PTP4A2: variants seen among roughly 807,000 people sequenced by gnomAD.
PTP4A2 encodes the protein protein tyrosine phosphatase 4A2.
In PTP4A2, 2 loss-of-function variants were observed where a neutral mutation model predicts 22.9. The observed-to-expected ratio is 0.09, with a 90% CI of 0.04 to 0.27. The LOEUF (loss-of-function observed/expected upper bound fraction) is 0.27. Among genes scored for constraint, PTP4A2 ranks in the 10% least tolerant of loss-of-function variants. The pLI, the probability that PTP4A2 is intolerant of heterozygous loss-of-function variation, is 1.00. For missense variants in PTP4A2, 103 were observed against 205.1 expected, an observed-to-expected ratio of 0.50 and a Z score of 3.04; for synonymous variants, 68 against 69.1, an observed-to-expected ratio of 0.98 and a Z score of 0.08.
At position 31,938,348 on chromosome 1, in the gene PTP4A2, C is replaced by T. The variant is rs1447784971; in HGVS notation, c.-955G>A. 2.0e-5 allele frequency: 3 copies of T among 149,190 alleles called. No individual in the cohort carries two copies. The highest frequency in any genetic ancestry group is 2.4e-5 in the African/African-American group (1 of 41,028). The allele number at this position is 149,190 out of a possible 1,614,324, so 9.2% of individuals were successfully genotyped here. A position where few individuals can be genotyped will look rare whatever the true frequency, so the allele number is the denominator to read the frequency against. On this transcript the variant is annotated 5_prime_UTR_variant, in exon 1 of 6. Coordinates refer to ENST00000647444, the MANE Select transcript of PTP4A2 (RefSeq NM_080391.4). This position sits in a 1 kb window ranked among gnomAD's most constrained non-coding sequence, Gnocchi z 4.4. ...GCCCGGCCGATCGCGCCGCCACCACCACCGCTGCGCGCGCAGCCGGAACCA... is the reference window on the plus strand; with the variant it reads ...GCCCGGCCGATCGCGCCGCCACCACTACCGCTGCGCGCGCAGCCGGAACCA...
intron 1 of PTP4A2, chr1:31,937,709 TC>T: frequency 2.4e-5 from 2 of 83,586 alleles, no homozygotes; most frequent in Non-Finnish European, 2.5e-5. Context: ...GCGCTCCCAC[TC>T]CCCCCACCTC....
intron 1 of PTP4A2, among the ~76,000 whole-genome samples, chr1:31,935,817 T>C (rs984762868): frequency 6.6e-6 from 1 of 152,128 alleles, no homozygotes; most frequent in African/African-American, 2.4e-5. Context: ...GTAACAATAC[T>C]ATTTACTATT....
intron 1 of PTP4A2, among the ~76,000 whole-genome samples, chr1:31,934,452 C>G (rs1430419392): frequency 6.6e-6 from 1 of 152,170 alleles, no homozygotes; most frequent in Non-Finnish European, 1.5e-5. Context: ...TGCACCTGCT[C>G]CTCTCCATCT....
intron 5 of PTP4A2, 85 bp from the exon 6 acceptor site, chr1:31,909,045 T>G (rs1651392215): frequency 8.3e-6 from 8 of 965,860 alleles, no homozygotes; most frequent in African/African-American, 4.9e-5. Flanking sequence ...TCCTAAAGCC[T>G]TTCTAATTCC....
At chr1:31,909,945 A>G (rs1157445244) in intron 5 of PTP4A2, 93 bp downstream of exon 5, 1 of 1,167,726 alleles carries the variant, frequency 8.6e-7, no homozygotes, top group Non-Finnish European at 1.2e-6. Context: ...AAAGCAAATT[A>G]TCCCATACTA....
chr1:31,915,630 C>T (rs1205677830), intron 3 of PTP4A2: 1 of 254,290 alleles, frequency 3.9e-6, no homozygotes, highest in Non-Finnish European at 7.5e-6. Flanking sequence ...GTCTCAACCA[C>T]CTGGGCTCAA....
intron 1 of PTP4A2, among the ~76,000 whole-genome samples, chr1:31,931,436 A>G (rs1652722040): frequency 6.6e-6 from 1 of 152,224 alleles, no homozygotes; most frequent in Admixed American, 6.5e-5. Flanking sequence ...TTCAAAGCAG[A>G]GTAGTGGTAA....
intron 1 of PTP4A2, among the ~76,000 whole-genome samples, chr1:31,936,358 G>C (rs917890356): frequency 1.3e-5 from 2 of 151,570 alleles, no homozygotes; most frequent in Non-Finnish European, 2.9e-5. Context: ...AAGATCATTT[G>C]AACCCGGGAA....
At chr1:31,916,337 T>G (rs530749293) in intron 2 of PTP4A2, among the ~76,000 whole-genome samples, 2 of 98,048 alleles carry the variant, frequency 2.0e-5, no homozygotes, top group South Asian at 7.4e-4. Flanking sequence ...AGAGCGAGAC[T>G]CCGTCTCCAA....
chr1:31,919,956 G>A (rs1035985064), intron 1 of PTP4A2, among the ~76,000 whole-genome samples: 8 of 149,468 alleles, frequency 5.4e-5, no homozygotes, highest in African/African-American at 1.2e-4. Flanking sequence ...GAGAAACCCC[G>A]TCGCTACTAA....
chr1:31,936,613 T>C (rs969408598), intron 1 of PTP4A2, among the ~76,000 whole-genome samples: 19 of 152,146 alleles, frequency 1.2e-4, no homozygotes, highest in African/African-American at 4.1e-4. Flanking sequence ...ATCCCTACTT[T>C]TACAACACAA....
rs1651211199 is a variant in PTP4A2 at position 31,907,105 on chromosome 1, A to G, written c.*1747T>C. On this transcript the variant is annotated 3_prime_UTR_variant, in exon 6 of 6. Coordinates refer to ENST00000647444, the MANE Select transcript of PTP4A2 (RefSeq NM_080391.4). Reference sequence around the variant, plus strand: ...CCAGCATAGGAAATAGGCAGTTCACATAGCCGGTCAACATGTGAGGTATCA... The same window carrying G: ...CCAGCATAGGAAATAGGCAGTTCACGTAGCCGGTCAACATGTGAGGTATCA... The G allele has an allele frequency of 6.6e-6, 1 of 152,250 alleles. No individual in the cohort carries two copies. Among genetic ancestry groups the G allele is most frequent in the Non-Finnish European group, 1.5e-5 (1 of 68,044 alleles). The allele number at this position is 152,250 out of a possible 1,614,324, so 9.4% of individuals were successfully genotyped here. A position where few individuals can be genotyped will look rare whatever the true frequency, so the allele number is the denominator to read the frequency against.
At chr1:31,926,099 A>G (rs1036312372) in intron 1 of PTP4A2, among the ~76,000 whole-genome samples, 2 of 147,374 alleles carry the variant, frequency 1.4e-5, no homozygotes, top group Admixed American at 6.8e-5. Context: ...ACTGCACTCC[A>G]GCCTGGCCAC....
chr1:31,932,202 A>G (rs1225711145), intron 1 of PTP4A2, among the ~76,000 whole-genome samples: 1 of 152,254 alleles, frequency 6.6e-6, no homozygotes, highest in Non-Finnish European at 1.5e-5. Flanking sequence ...TAAAACAAAT[A>G]TATCATGTGT....
At chr1:31,922,613 TC>T (rs1557865653) in intron 1 of PTP4A2, among the ~76,000 whole-genome samples, 1 of 150,890 alleles carries the variant, frequency 6.6e-6, no homozygotes, top group African/African-American at 2.5e-5. Context: ...TTTCTTTCTT[TC>T]TTTCTTTCTT....
chr1:31,929,773 A>C (rs1374360110), intron 1 of PTP4A2, among the ~76,000 whole-genome samples: 2 of 152,228 alleles, frequency 1.3e-5, no homozygotes, highest in African/African-American at 4.8e-5. Flanking sequence ...TTTCATTAAT[A>C]AATAATTTAA....
intron 3 of PTP4A2, chr1:31,914,481 C>G (rs1651721356): frequency 3.3e-6 from 1 of 299,884 alleles, no homozygotes; most frequent in African/African-American, 2.2e-5. Context: ...GGTCATTATT[C>G]TTTTTGCATC....
At chr1:31,914,533 G>C (rs1651724780) in intron 3 of PTP4A2, 1 of 234,784 alleles carries the variant, frequency 4.3e-6, no homozygotes, top group African/African-American at 2.3e-5. Context: ...AAAGACTACA[G>C]AACTACCTCT....
In PTP4A2 at chr1:31,920,089, G is replaced by A. The variant is rs1408630263; in HGVS notation, c.-593-431C>T. ...TGTGATGAGCCAAGATGGCACCATT[G>A]CACTCCAGCCTGGGCAACAAGAGCA... On this transcript the variant is annotated intron_variant, in intron 1 of 5. Coordinates refer to ENST00000647444, the MANE Select transcript of PTP4A2 (RefSeq NM_080391.4). Among the ~76,000 whole-genome samples, 5 of 130,012 alleles carry A rather than the reference G, an allele frequency of 3.8e-5. No individual in the cohort carries two copies. In the East Asian group the frequency reaches 9.7e-4, roughly 25 times the overall value. 85.3% of individuals were successfully genotyped at this position (130,012 alleles called of 152,430 possible).
Sources: gnomAD v4.1 joint callset for allele counts (sites outside exome capture counted in the v4.1 genomes callset) on GRCh38, gnomAD v4.1.1 for gene constraint, Gnocchi (gnomAD v3.1) non-coding constraint, MANE v1.5 for transcripts, NCBI Gene and HGNC (gene_info 2026-07-23, HGNC 2026-07-21) for gene names.